Variants in TMEM268 observed in about 807,000 individuals in gnomAD.
The protein encoded by TMEM268 is transmembrane protein C9orf91.
In TMEM268, 24 loss-of-function variants were observed where a neutral mutation model predicts 39.1. That is an observed-to-expected ratio of 0.61 (90% CI 0.44 to 0.86). TMEM268 has a LOEUF of 0.86. TMEM268 is among the 40% of genes least tolerant of loss of function. The probability of loss-of-function intolerance (pLI) is 0.00; values close to 1 mark genes in which losing one functional copy is unlikely to be tolerated. For missense variants in TMEM268, 409 were observed against 428.6 expected (o/e 0.95, Z 0.40); for synonymous variants, 176 against 173.5 (o/e 1.01, Z -0.12).
chr9:114,610,378 C>T (rs1046017982), upstream of TMEM268, among the ~76,000 whole-genome samples: 16 of 152,146 alleles, frequency 1.1e-4, no homozygotes, highest in Non-Finnish European at 1.9e-4. Context: ...ATAACTTTTG[C>T]GCAAACCTAA....
chr9:114,619,676 G>C (rs1005574270), intron 2 of TMEM268, among the ~76,000 whole-genome samples: 1 of 152,102 alleles, frequency 6.6e-6, no homozygotes, highest in Non-Finnish European at 1.5e-5. Context: ...CTTGCTTCTT[G>C]TTCTCACTTT....
chr9:114,634,062 C>T (rs1282651239), intron 6 of TMEM268, among the ~76,000 whole-genome samples, 184 bp downstream of exon 6: 7 of 152,214 alleles, frequency 4.6e-5, no homozygotes, highest in Non-Finnish European at 1.0e-4. Context: ...CTTCTCTGTG[C>T]AGTAACCAGT....
chr9:114,625,951 C>T (rs1405053595), intron 3 of TMEM268, among the ~76,000 whole-genome samples: 10 of 151,832 alleles, frequency 6.6e-5, no homozygotes, highest in Admixed American at 1.3e-4. Flanking sequence ...CTCAGCCTCC[C>T]GAGTAGCTGG....
At position 114,611,550 on chromosome 9, in the gene TMEM268, G is replaced by GCGGCGGCGGCGGCGGCGGCGGCGC. The variant is rs1433983375; in HGVS notation, c.-85_-84insGCGGCGGCGGCGGCGCCGGCGGCG. The GCGGCGGCGGCGGCGGCGGCGGCGC allele has an allele frequency of 2.4e-5, 4 of 167,288 alleles. No homozygotes were observed. Among genetic ancestry groups the GCGGCGGCGGCGGCGGCGGCGGCGC allele is most frequent in the Non-Finnish European group, 3.6e-5 (3 of 82,698 alleles). The allele number at this position is 167,288 out of a possible 1,614,324, so 10.4% of individuals were successfully genotyped here. On this transcript the variant is annotated 5_prime_UTR_variant, in exon 1 of 9. Coordinates refer to ENST00000288502, the MANE Select transcript of TMEM268 (RefSeq NM_153045.4). ...TCCCGGGGTGGCGGCGGCGGCGGCGGCGGCGGCGCGGGCGGTGAGTGTGCG... is the reference window on the plus strand; with the variant it reads ...TCCCGGGGTGGCGGCGGCGGCGGCGGCGGCGGCGGCGGCGGCGGCGGCGCCGGCGGCGCGGGCGGTGAGTGTGCG...
At chr9:114,623,600 C>T (rs1846032857) in intron 2 of TMEM268, among the ~76,000 whole-genome samples, 1 of 152,142 alleles carries the variant, frequency 6.6e-6, no homozygotes, top group Admixed American at 6.6e-5. Flanking sequence ...CCCACATTCC[C>T]TGGCTCATGG....
At chr9:114,606,428 G>A (rs1845366660), upstream of TMEM268, among the ~76,000 whole-genome samples, 2 of 152,168 alleles carry the variant, frequency 1.3e-5, no homozygotes, top group South Asian at 4.1e-4. Context: ...CTCTCCCATA[G>A]TGGAGTCCGT....
intron 4 of TMEM268, among the ~76,000 whole-genome samples, chr9:114,627,895 AC>A (rs751705719): frequency 6.6e-6 from 1 of 152,050 alleles, no homozygotes; most frequent in East Asian, 1.9e-4. Flanking sequence ...GTAGCTACTA[AC>A]CCTTTTTGTC....
chr9:114,631,040 A>G (rs1287639830), intron 5 of TMEM268, among the ~76,000 whole-genome samples: 1 of 152,168 alleles, frequency 6.6e-6, no homozygotes, highest in African/African-American at 2.4e-5. Context: ...TGGGCCGGGC[A>G]TGGTGGCTCA....
chr9:114,604,011 ATTC>A, the TMEM268 span, among the ~76,000 whole-genome samples: 1 of 149,384 alleles, frequency 6.7e-6, no homozygotes, highest in Non-Finnish European at 1.5e-5. Flanking sequence ...GACTAATTTA[ATTC>A]TTTTTTTTTT....
chr9:114,621,124 G>C lies in TMEM268; in HGVS notation c.107-3226G>C, dbSNP rs528573606. Among the ~76,000 whole-genome samples the C allele has an allele frequency of 1.1e-3, 168 of 152,002 alleles. 1 individual carries two copies. The South Asian group carries it at 0.019, about 18-fold the overall frequency. ...AGGCTGACATGGAAGCATTCCTTGA[G>C]CCCAGGAATTTGAGACCAGGCTGGG... On this transcript the variant is annotated intron_variant, in intron 2 of 8. Coordinates refer to ENST00000288502, the MANE Select transcript of TMEM268 (RefSeq NM_153045.4).
At chr9:114,615,303 A>T (rs894855845) in intron 1 of TMEM268, among the ~76,000 whole-genome samples, 2 of 152,008 alleles carry the variant, frequency 1.3e-5, no homozygotes, top group South Asian at 4.1e-4. Flanking sequence ...ATGCTGTTGT[A>T]TGTCCTTTAT....
chr9:114,633,738 C>G (rs1329179768), intron 5 of TMEM268, 30 bp from the exon 6 acceptor site: 1 of 1,301,402 alleles, frequency 7.7e-7, no homozygotes, highest in South Asian at 1.4e-5. Context: ...GCATGGAGGT[C>G]TGGTGATGGG....
chr9:114,630,039 A>G (rs1392359571), intron 5 of TMEM268, among the ~76,000 whole-genome samples: 1 of 152,214 alleles, frequency 6.6e-6, no homozygotes, highest in Non-Finnish European at 1.5e-5. Flanking sequence ...GGAGCAAGCA[A>G]AAAAGATTGG....
intron 3 of TMEM268, among the ~76,000 whole-genome samples, chr9:114,625,608 AT>A (rs1311343726): frequency 7.3e-5 from 11 of 151,152 alleles, no homozygotes; most frequent in Admixed American, 7.3e-4. Context: ...CGGCTGGCTA[AT>A]TTTTGTATTT....
At chr9:114,609,791 AAG>A (rs1845427498), upstream of TMEM268, among the ~76,000 whole-genome samples, 1 of 151,970 alleles carries the variant, frequency 6.6e-6, no homozygotes, top group African/African-American at 2.4e-5. Flanking sequence ...CAAAGAGAGA[AAG>A]AAATGAAAGA....
intron 5 of TMEM268, among the ~76,000 whole-genome samples, chr9:114,630,334 T>C (rs889704395): frequency 4.0e-5 from 6 of 150,162 alleles, no homozygotes; most frequent in Admixed American, 1.3e-4. Flanking sequence ...TCTTACTCTG[T>C]GCCAGGCACA....
chr9:114,637,586 G>A (rs1224866814), intron 7 of TMEM268, among the ~76,000 whole-genome samples: 2 of 151,986 alleles, frequency 1.3e-5, no homozygotes, highest in Admixed American at 6.6e-5. Flanking sequence ...GAGCCACCAC[G>A]CCCGGCCATA....
chr9:114,633,994 G>C (rs1554759413), intron 6 of TMEM268, 116 bp downstream of exon 6: 7 of 529,654 alleles, frequency 1.3e-5, no homozygotes, highest in Non-Finnish European at 1.7e-5. Flanking sequence ...CTGCTAATGA[G>C]ATGGCTGTTG....
At chr9:114,629,105 A>G (rs1846284345) in intron 5 of TMEM268, among the ~76,000 whole-genome samples, 1 of 152,264 alleles carries the variant, frequency 6.6e-6, no homozygotes, top group East Asian at 1.9e-4. Flanking sequence ...AATCAAGGCC[A>G]GGGCCTCAGA....
Sources: allele counts gnomAD v4.1 joint callset (sites outside exome capture counted in the v4.1 genomes callset), GRCh38; gene constraint gnomAD v4.1.1; transcripts MANE v1.5; gene names NCBI Gene and HGNC (gene_info 2026-07-23, HGNC 2026-07-21).